The following SNX7 variants were observed in gnomAD, a reference collection of about 807,000 sequenced individuals.
SNX7 encodes sorting nexin-7.
In SNX7, 35 loss-of-function variants were observed where a neutral mutation model predicts 48.4. The observed-to-expected ratio is 0.72, with a 90% CI of 0.55 to 0.96. The LOEUF (loss-of-function observed/expected upper bound fraction) is 0.96. SNX7 is among the 40% of genes least tolerant of loss of function. SNX7 has a pLI of 0.00. For missense variants in SNX7, 553 were observed against 548.9 expected (o/e 1.01, Z -0.07); for synonymous variants, 190 against 190.2 (o/e 1.00, Z 0.01).
chr1:98,697,422 T>TA (rs1339193623), intron 5 of SNX7, among the ~76,000 whole-genome samples: 2 of 152,098 alleles, frequency 1.3e-5, no homozygotes, highest in Non-Finnish European at 2.9e-5. Context: ...ATTGTATTTA[T>TA]ATGGATAGTG....
chr1:98,661,512 C>A (rs565629711), upstream of SNX7, among the ~76,000 whole-genome samples: 1 of 152,242 alleles, frequency 6.6e-6, no homozygotes, highest in East Asian at 1.9e-4. Context: ...TAGCCGGAGT[C>A]CGAGAGTCCC....
chr1:98,665,225 A>G (rs1649474559), intron 1 of SNX7, among the ~76,000 whole-genome samples: 1 of 152,228 alleles, frequency 6.6e-6, no homozygotes, highest in Non-Finnish European at 1.5e-5. Flanking sequence ...TAGGATAATC[A>G]GGGAACTTAC....
At chr1:98,668,532 G>C (rs1350343536) in intron 1 of SNX7, among the ~76,000 whole-genome samples, 1 of 152,164 alleles carries the variant, frequency 6.6e-6, no homozygotes, top group African/African-American at 2.4e-5. Context: ...CATTAACACT[G>C]TCTTCCTTTG....
chr1:98,673,748 TATC>T (rs1650006075), intron 1 of SNX7, among the ~76,000 whole-genome samples: 1 of 152,210 alleles, frequency 6.6e-6, no homozygotes, highest in Non-Finnish European at 1.5e-5. Context: ...GGAGAATGCT[TATC>T]ATCCCTATAC....
At chr1:98,708,025 C>T (rs1242408221) in intron 7 of SNX7, among the ~76,000 whole-genome samples, 2 of 152,178 alleles carry the variant, frequency 1.3e-5, no homozygotes. Context: ...TTTGACATAG[C>T]AAGCCTTGCT....
chr1:98,713,026 G>A (rs1652397028), intron 7 of SNX7, among the ~76,000 whole-genome samples: 1 of 150,092 alleles, frequency 6.7e-6, no homozygotes, highest in Non-Finnish European at 1.5e-5. Context: ...AGGAGGCAGA[G>A]GTTGCAGTGA....
At chr1:98,669,272 C>G (rs555306405) in intron 1 of SNX7, among the ~76,000 whole-genome samples, 44 of 152,286 alleles carry the variant, frequency 2.9e-4, no homozygotes, top group African/African-American at 9.9e-4. Context: ...TTTTTGATAT[C>G]TCTGGAATTA....
intron 4 of SNX7, among the ~76,000 whole-genome samples, chr1:98,694,809 C>T (rs745831761): frequency 6.6e-5 from 10 of 151,314 alleles, no homozygotes; most frequent in South Asian, 2.1e-4. Flanking sequence ...GGAGTTTCAC[C>T]GTGTTAGCCA....
At chr1:98,697,934 A>G (rs1258531814) in intron 5 of SNX7, among the ~76,000 whole-genome samples, 1 of 152,180 alleles carries the variant, frequency 6.6e-6, no homozygotes, top group Non-Finnish European at 1.5e-5. Context: ...GTTTTTGTAA[A>G]GAGAAATCAT....
chr1:98,692,348 T>C (rs1344439643), intron 4 of SNX7, among the ~76,000 whole-genome samples: 1 of 152,116 alleles, frequency 6.6e-6, no homozygotes, highest in Non-Finnish European at 1.5e-5. Flanking sequence ...ATGTTGTCTG[T>C]TTACAAGATG....
At chr1:98,672,647 G>A (rs1649931515) in intron 1 of SNX7, among the ~76,000 whole-genome samples, 1 of 151,810 alleles carries the variant, frequency 6.6e-6, no homozygotes, top group African/African-American at 2.4e-5. Context: ...TCAAGTGGCC[G>A]GGCGCGGTGG....
In SNX7 at chr1:98,684,921, A is replaced by T; in HGVS notation, c.217A>T (p.Met73Leu). 6.3e-7 allele frequency: 1 copy of T among 1,585,612 alleles called. No individual in the cohort carries two copies. Among genetic ancestry groups the T allele is most frequent in the Non-Finnish European group, 8.6e-7 (1 of 1,164,552 alleles). The change falls in exon 2 of 9, where the codon ATG becomes TTG. Residue 73 changes from methionine (M) to leucine (L), a missense_variant. Transcript: ENST00000306121. ...GATGGACATGAACTCCTTCAGCCCT[A>T]TGATGCCAACATCCCCTTTATCAAT... Reference protein sequence around the residue: ...SLMDMNSFSPMMPTSPLSMIN... With the variant: ...SLMDMNSFSPLMPTSPLSMIN...
At chr1:98,665,534 G>T (rs1167553377) in intron 1 of SNX7, among the ~76,000 whole-genome samples, 1 of 152,104 alleles carries the variant, frequency 6.6e-6, no homozygotes, top group Admixed American at 6.5e-5. Context: ...ATAATGACAT[G>T]ATTGAGCAAG....
At chr1:98,679,437 C>T (rs957075313) in intron 1 of SNX7, among the ~76,000 whole-genome samples, 1 of 152,088 alleles carries the variant, frequency 6.6e-6, no homozygotes, top group Non-Finnish European at 1.5e-5. Flanking sequence ...CATGTCCTCA[C>T]ATATCAAAAA....
chr1:98,703,761 G>A (rs576418960), intron 7 of SNX7, among the ~76,000 whole-genome samples: 81 of 152,066 alleles, frequency 5.3e-4, no homozygotes, highest in African/African-American at 1.8e-3. Context: ...AATTGACTGT[G>A]AAAGGCTGCA....
intron 7 of SNX7, among the ~76,000 whole-genome samples, chr1:98,719,151 C>T (rs923725588): frequency 4.6e-5 from 7 of 152,048 alleles, no homozygotes; most frequent in African/African-American, 7.2e-5. Flanking sequence ...TTTATTACTT[C>T]GTGGATTAGA....
chr1:98,711,249 C>G (rs1652289453), intron 7 of SNX7, among the ~76,000 whole-genome samples: 1 of 152,104 alleles, frequency 6.6e-6, no homozygotes, highest in Admixed American at 6.6e-5. Context: ...AACTCCTGAC[C>G]TCAAGTGATC....
intron 4 of SNX7, among the ~76,000 whole-genome samples, chr1:98,692,119 T>C (rs1437567952): frequency 1.3e-5 from 2 of 152,130 alleles, no homozygotes; most frequent in East Asian, 1.9e-4. Flanking sequence ...TGTGTAACTT[T>C]TAATTTCTCA....
chr1:98,738,456 ATG>A, intron 8 of SNX7, 67 bp downstream of exon 8: 1 of 1,472,236 alleles, frequency 6.8e-7, no homozygotes, highest in Admixed American at 1.8e-5. Flanking sequence ...GGTCCGTCCA[ATG>A]TTGAAAGAGT....
Sources: allele counts gnomAD v4.1 joint callset (sites outside exome capture counted in the v4.1 genomes callset), GRCh38; gene constraint gnomAD v4.1.1; transcripts MANE v1.5; gene names NCBI Gene and HGNC (gene_info 2026-07-23, HGNC 2026-07-21).